Variants in ZNF652 observed in about 807,000 individuals in gnomAD.
ZNF652 encodes zinc finger protein 652.
Under a neutral mutation model 45.2 loss-of-function variants are expected in ZNF652, and 16 were observed. The observed-to-expected ratio is 0.35, with a 90% CI of 0.24 to 0.54. The LOEUF is 0.54. Among genes scored for constraint, ZNF652 ranks in the 20% least tolerant of loss-of-function variants. ZNF652 has a pLI of 0.91. For synonymous variants in ZNF652, 250 were observed against 260.6 expected, an observed-to-expected ratio of 0.96 and a Z score of 0.39; for missense variants, 614 against 765.6, an observed-to-expected ratio of 0.80 and a Z score of 2.34.
intron 5 of ZNF652, 26 bp from the exon 6 acceptor site, chr17:49,298,950 G>T: frequency 1.3e-6 from 2 of 1,581,002 alleles, no homozygotes; most frequent in South Asian, 1.1e-5. Context: ...ACATAAAAAT[G>T]ATTAACATAT....
At chr17:49,344,220 C>T (rs1355107967) in intron 1 of ZNF652, among the ~76,000 whole-genome samples, 1 of 151,202 alleles carries the variant, frequency 6.6e-6, no homozygotes, top group African/African-American at 2.4e-5. Context: ...AAATAATTAG[C>T]TAGGTATGGT....
intron 1 of ZNF652, among the ~76,000 whole-genome samples, chr17:49,322,918 C>T (rs886178403): frequency 6.6e-6 from 1 of 152,052 alleles, no homozygotes; most frequent in African/African-American, 2.4e-5. Flanking sequence ...AAAATGTTAG[C>T]GATTATCTGA....
chr17:49,316,788 T>A (rs748815054), intron 2 of ZNF652, 38 bp downstream of exon 2: 7 of 1,570,290 alleles, frequency 4.5e-6, no homozygotes, highest in African/African-American at 2.7e-5. Context: ...AGCCAGGTTC[T>A]ATCCTGAAAA....
intron 1 of ZNF652, among the ~76,000 whole-genome samples, chr17:49,324,073 T>C (rs2069928342): frequency 6.6e-6 from 1 of 152,246 alleles, no homozygotes; most frequent in Non-Finnish European, 1.5e-5. Flanking sequence ...CTTCTTTCGA[T>C]ATAAGGCATT....
intron 5 of ZNF652, among the ~76,000 whole-genome samples, chr17:49,303,177 A>G (rs2069577827): frequency 6.6e-6 from 1 of 151,902 alleles, no homozygotes; most frequent in African/African-American, 2.4e-5. Context: ...AGAAAAAAAT[A>G]CAACAAATGT....
chr17:49,321,566 A>T (rs2069893536), intron 1 of ZNF652, among the ~76,000 whole-genome samples: 1 of 151,518 alleles, frequency 6.6e-6, no homozygotes, highest in Non-Finnish European at 1.5e-5. Flanking sequence ...CACCGTGCCC[A>T]GCCACACAGT....
chr17:49,332,774 C>T (rs929487063), intron 1 of ZNF652, among the ~76,000 whole-genome samples: 3 of 152,136 alleles, frequency 2.0e-5, no homozygotes, highest in African/African-American at 7.2e-5. Flanking sequence ...GCTGCTGCAC[C>T]CAGCCTGTAG....
intron 5 of ZNF652, among the ~76,000 whole-genome samples, chr17:49,305,902 TCATA>T (rs1173830754): frequency 1.3e-5 from 2 of 152,202 alleles, no homozygotes; most frequent in Non-Finnish European, 2.9e-5. Context: ...TACTGTCAGT[TCATA>T]CAATGTCCTT....
chr17:49,322,607 T>C (rs2069907602), intron 1 of ZNF652: 1 of 152,226 alleles, frequency 6.6e-6, no homozygotes, highest in Non-Finnish European at 1.5e-5. Context: ...GTCTATTAAG[T>C]ATGCAATAAC....
intron 1 of ZNF652, among the ~76,000 whole-genome samples, chr17:49,346,911 C>T (rs910707953): frequency 2.8e-4 from 43 of 152,042 alleles, no homozygotes; most frequent in African/African-American, 9.9e-4. Flanking sequence ...GGAAACAGGG[C>T]AGGGAATGTA....
chr17:49,359,957 G>C (rs1455617874), intron 1 of ZNF652, among the ~76,000 whole-genome samples: 6 of 152,190 alleles, frequency 3.9e-5, no homozygotes, highest in Non-Finnish European at 7.3e-5. Context: ...AACGCATAAA[G>C]ATTCAGGATA....
At chr17:49,300,653 T>A (rs1337833272) in intron 5 of ZNF652, among the ~76,000 whole-genome samples, 1 of 152,182 alleles carries the variant, frequency 6.6e-6, no homozygotes, top group Non-Finnish European at 1.5e-5. Flanking sequence ...AATTCCTGCA[T>A]CAGTCCTCCA....
At chr17:49,331,044 G>A (rs1253210938) in intron 1 of ZNF652, among the ~76,000 whole-genome samples, 2 of 150,646 alleles carry the variant, frequency 1.3e-5, no homozygotes, top group Non-Finnish European at 3.0e-5. Flanking sequence ...CATCCAGCCT[G>A]GGCAGTAAGA....
At chr17:49,308,178 T>G (rs1165168223) in intron 5 of ZNF652, among the ~76,000 whole-genome samples, 1 of 152,128 alleles carries the variant, frequency 6.6e-6, no homozygotes, top group Non-Finnish European at 1.5e-5. Flanking sequence ...TGTTACTCTT[T>G]TTTTGGTTTG....
At chr17:49,358,209 G>A (rs910762574) in intron 1 of ZNF652, among the ~76,000 whole-genome samples, 3 of 152,150 alleles carry the variant, frequency 2.0e-5, no homozygotes, top group East Asian at 1.9e-4. Context: ...TGGAGCGGGG[G>A]TTTTAAATCG....
intron 4 of ZNF652, 44 bp from the exon 5 acceptor site, chr17:49,311,500 G>A: frequency 6.3e-7 from 1 of 1,592,774 alleles, no homozygotes; most frequent in Non-Finnish European, 8.6e-7. Context: ...AAGCATAGTA[G>A]CTTTACCTGA....
At chr17:49,334,298 T>C (rs1372739603) in intron 1 of ZNF652, among the ~76,000 whole-genome samples, 2 of 152,122 alleles carry the variant, frequency 1.3e-5, no homozygotes, top group Non-Finnish European at 2.9e-5. Flanking sequence ...CTGGTCAACA[T>C]AGCAAGACCT....
At chr17:49,324,867 A>G (rs1268272909) in intron 1 of ZNF652, among the ~76,000 whole-genome samples, 4 of 150,164 alleles carry the variant, frequency 2.7e-5, no homozygotes, top group Admixed American at 1.3e-4. Context: ...CAGCCTACCG[A>G]GTAGCTGGGA....
At chr17:49,348,940 T>C (rs1384964754) in intron 1 of ZNF652, among the ~76,000 whole-genome samples, 3 of 152,146 alleles carry the variant, frequency 2.0e-5, no homozygotes, top group African/African-American at 4.8e-5. Context: ...ATAAGTGGTA[T>C]GCTTCTGAAT....
Sources: gnomAD v4.1 joint callset for allele counts (sites outside exome capture counted in the v4.1 genomes callset) on GRCh38, gnomAD v4.1.1 for gene constraint, MANE v1.5 for transcripts, NCBI Gene and HGNC (gene_info 2026-07-23, HGNC 2026-07-21) for gene names.